The following HSDL2 variants were observed in gnomAD, a reference collection of about 807,000 sequenced individuals.
The protein encoded by HSDL2 is hydroxysteroid dehydrogenase like 2.
HSDL2 carries 27 observed loss-of-function variants against 46.3 expected under a neutral mutation model. That is an observed-to-expected ratio of 0.58 (90% CI 0.43 to 0.80). HSDL2 has a LOEUF of 0.80. Ranked by LOEUF, HSDL2 falls within the 30% of genes least tolerant of loss-of-function variation. HSDL2 has a pLI of 0.00. For synonymous variants in HSDL2, 153 were observed against 163.6 expected, an observed-to-expected ratio of 0.94 and a Z score of 0.50; for missense variants, 451 against 502.7, an observed-to-expected ratio of 0.90 and a Z score of 0.98.
At chr9:112,450,959 G>A (rs1289486133) in intron 8 of HSDL2, among the ~76,000 whole-genome samples, 1 of 152,024 alleles carries the variant, frequency 6.6e-6, no homozygotes, top group Non-Finnish European at 1.5e-5. Context: ...TCCCAATCAT[G>A]GGTGGCTGAG....
intron 6 of HSDL2, among the ~76,000 whole-genome samples, chr9:112,427,180 G>A (rs557647090): frequency 1.3e-5 from 2 of 152,204 alleles, no homozygotes; most frequent in South Asian, 2.1e-4. Context: ...CCAGCCTCCC[G>A]AGTAGCTGGG....
chr9:112,435,373 G>A (rs1832503362), intron 6 of HSDL2, among the ~76,000 whole-genome samples: 1 of 152,114 alleles, frequency 6.6e-6, no homozygotes, highest in African/African-American at 2.4e-5. Context: ...TCTCAAAATA[G>A]ATTATACTCA....
intron 1 of HSDL2, 59 bp downstream of exon 1, chr9:112,380,239 G>A: frequency 6.7e-7 from 1 of 1,503,750 alleles, no homozygotes; most frequent in Non-Finnish European, 8.9e-7. Context: ...GCGTCTCGGT[G>A]GGGCCGCCGC....
chr9:112,440,417 G>A (rs959789389), intron 7 of HSDL2, among the ~76,000 whole-genome samples: 5 of 151,602 alleles, frequency 3.3e-5, no homozygotes, highest in Non-Finnish European at 7.4e-5. Flanking sequence ...AAAAAAAAGA[G>A]AGAAAAGAAA....
chr9:112,456,764 G>A (rs886848793), intron 9 of HSDL2, among the ~76,000 whole-genome samples: 1 of 152,116 alleles, frequency 6.6e-6, no homozygotes, highest in Non-Finnish European at 1.5e-5. Flanking sequence ...CCATTCCCAG[G>A]AAATGGTTTT....
chr9:112,454,379 G>T (rs575277622), intron 9 of HSDL2, among the ~76,000 whole-genome samples: 4 of 152,248 alleles, frequency 2.6e-5, no homozygotes, highest in Non-Finnish European at 5.9e-5. Context: ...CCAGGCTGGA[G>T]AGCAATGGCA....
chr9:112,466,072 G>GT (rs758559837), intron 10 of HSDL2, among the ~76,000 whole-genome samples: 14 of 151,952 alleles, frequency 9.2e-5, no homozygotes, highest in Non-Finnish European at 1.5e-4. Flanking sequence ...TTATTATTTT[G>GT]TTTTTTCATT....
intron 8 of HSDL2, 129 bp from the exon 9 acceptor site, chr9:112,453,884 A>G: frequency 1.4e-6 from 1 of 701,686 alleles, no homozygotes; most frequent in Non-Finnish European, 2.4e-6. Flanking sequence ...GATGCCACTT[A>G]ATGCATTTAA....
intron 4 of HSDL2, among the ~76,000 whole-genome samples, chr9:112,415,873 C>T (rs534063903): frequency 2.0e-5 from 3 of 152,176 alleles, no homozygotes; most frequent in Non-Finnish European, 2.9e-5. Context: ...TGTATCTTGG[C>T]GGAGCGTGGG....
At position 112,470,663 on chromosome 9, in the gene HSDL2, G is replaced by A. The variant is rs995339484; in HGVS notation, c.*119G>A. 2.0e-5 allele frequency: 11 copies of A among 561,696 alleles called. No homozygotes were observed. The African/African-American group carries it at 2.1e-4, about 11-fold the overall frequency. 34.8% of individuals were successfully genotyped at this position (561,696 alleles called of 1,614,324 possible). A position where few individuals can be genotyped will look rare whatever the true frequency, so the allele number is the denominator to read the frequency against. ...TATAAGGATATGCACGTTTGTTCTG[G>A]AAAAGATAGAATTTGTCTCTAAAAG... On this transcript the variant is annotated 3_prime_UTR_variant, in exon 11 of 11. Transcript: ENST00000398805.
At chr9:112,403,741 G>C (rs1467464754) in intron 1 of HSDL2, among the ~76,000 whole-genome samples, 2 of 151,808 alleles carry the variant, frequency 1.3e-5, no homozygotes, top group African/African-American at 2.4e-5. Flanking sequence ...TTGAAGATTT[G>C]CTTTGCATTT....
intron 10 of HSDL2, among the ~76,000 whole-genome samples, chr9:112,464,513 G>A (rs4979120): frequency 0.96 from 145,483 of 152,298 alleles, 69,545 homozygotes; most frequent in African/African-American, 0.98. Context: ...AATTATTGTC[G>A]TTAGTTTATT....
At position 112,438,448 on chromosome 9, in the gene HSDL2, A is replaced by G. The variant is rs199846218; in HGVS notation, c.616A>G (p.Met206Val). ...WPKTAIHTAA[M>V]DMLGGPGIES... ...CTCTACAGCCATACACACTGCTGCT[A>G]TGGATATGCTGGGAGGACCTGGTAT... Residue 206 changes from methionine to valine, a missense_variant, in exon 7 of 11, where the codon ATG (methionine) becomes GTG (valine). By Grantham distance (21) the Met-to-Val change is conservative (BLOSUM62 1). Coordinates refer to ENST00000398805, the MANE Select transcript of HSDL2 (RefSeq NM_032303.5). 32 of 1,602,880 alleles carry G rather than the reference A, an allele frequency of 2.0e-5. No individual in the cohort carries two copies. Among genetic ancestry groups the G allele is most frequent in the Admixed American group, 5.2e-5 (3 of 57,842 alleles).
intron 1 of HSDL2, among the ~76,000 whole-genome samples, chr9:112,384,659 C>T (rs1490125677): frequency 2.0e-5 from 3 of 151,220 alleles, no homozygotes; most frequent in East Asian, 1.9e-4. Flanking sequence ...CCAGAGAGAC[C>T]GATATTGGGA....
intron 1 of HSDL2, among the ~76,000 whole-genome samples, chr9:112,384,285 A>G (rs1222577126): frequency 6.6e-6 from 1 of 150,484 alleles, no homozygotes; most frequent in East Asian, 1.9e-4. Context: ...CAATAATACT[A>G]AGAAATTTGG....
intron 6 of HSDL2, among the ~76,000 whole-genome samples, chr9:112,434,400 C>G (rs181807552): frequency 6.6e-6 from 1 of 152,188 alleles, no homozygotes. Context: ...GGTGAGGCGA[C>G]AAGGTGGCAG....
chr9:112,425,938 G>T (rs1720629356), intron 6 of HSDL2, among the ~76,000 whole-genome samples: 1 of 151,952 alleles, frequency 6.6e-6, no homozygotes, highest in Admixed American at 6.6e-5. Context: ...ATGGGGTCTT[G>T]CCATGTTATT....
In HSDL2 at chr9:112,426,565, T is replaced by C. The variant is rs144047759; in HGVS notation, c.598+7607T>C. Among the ~76,000 whole-genome samples the C allele has an allele frequency of 3.8e-3, 586 of 152,230 alleles. 2 individuals are homozygous for C. Among genetic ancestry groups the C allele is most frequent in the African/African-American group, 0.013 (531 of 41,536 alleles). On this transcript the variant is annotated intron_variant, in intron 6 of 10. Coordinates refer to ENST00000398805, the MANE Select transcript of HSDL2 (RefSeq NM_032303.5). ...CAAGGTTTCTATGCAGTCTGTTAGG[T>C]GTACATCCTGCAGCTTATTGGTTTA...
At chr9:112,429,850 G>A (rs1832343752) in intron 6 of HSDL2, among the ~76,000 whole-genome samples, 1 of 152,280 alleles carries the variant, frequency 6.6e-6, no homozygotes, top group South Asian at 2.1e-4. Context: ...CCAACACTTT[G>A]GGAGGTCAAA....
Sources: allele counts gnomAD v4.1 joint callset (sites outside exome capture counted in the v4.1 genomes callset), GRCh38; gene constraint gnomAD v4.1.1; transcripts MANE v1.5; gene names NCBI Gene and HGNC (gene_info 2026-07-23, HGNC 2026-07-21).